The following NTSR1 variants were observed in gnomAD, a reference collection of about 807,000 sequenced individuals.
The protein encoded by NTSR1 is neurotensin receptor type 1.
Under a neutral mutation model 31.2 loss-of-function variants are expected in NTSR1, and 29 were observed. The ratio of observed to expected loss-of-function variants is 0.93; its 90% CI spans 0.69 to 1.27. The LOEUF (loss-of-function observed/expected upper bound fraction) is 1.27, where lower values mean the gene tolerates loss of function less well. Ranked by LOEUF, NTSR1 falls within the 50% of genes most tolerant of loss-of-function variation. The pLI, the probability that NTSR1 is intolerant of heterozygous loss-of-function variation, is 0.00. For synonymous variants in NTSR1, 282 were observed against 269.9 expected (o/e 1.04, Z -0.44); for missense variants, 697 against 595.4 (o/e 1.17, Z -1.78).
At chr20:62,716,687 T>A (rs1362227547) in intron 1 of NTSR1, among the ~76,000 whole-genome samples, 2 of 140,802 alleles carry the variant, frequency 1.4e-5, no homozygotes, top group African/African-American at 5.6e-5. Flanking sequence ...AGGTCCTCCC[T>A]CCTGTGGGCC....
intron 1 of NTSR1, among the ~76,000 whole-genome samples, chr20:62,753,740 C>G (rs1989432281): frequency 6.6e-6 from 1 of 152,226 alleles, no homozygotes; most frequent in Admixed American, 6.5e-5. Context: ...TATTCCACTG[C>G]CCCAGGGAGG....
At chr20:62,710,413 GCTTT>G (rs909958962) in intron 1 of NTSR1, among the ~76,000 whole-genome samples, 5 of 152,208 alleles carry the variant, frequency 3.3e-5, no homozygotes, top group African/African-American at 1.2e-4. Flanking sequence ...TTTAGCCTCA[GCTTT>G]CCCATCTGTG....
At chr20:62,713,704 T>C (rs1988660742) in intron 1 of NTSR1, among the ~76,000 whole-genome samples, 1 of 152,256 alleles carries the variant, frequency 6.6e-6, no homozygotes, top group African/African-American at 2.4e-5. Context: ...AGGAGACTGC[T>C]TGCGGGTCAT....
chr20:62,726,405 C>T (rs1988907499), intron 1 of NTSR1, among the ~76,000 whole-genome samples: 1 of 152,204 alleles, frequency 6.6e-6, no homozygotes, highest in African/African-American at 2.4e-5. Context: ...CTCTCCGAGA[C>T]CAGGCCCAGG....
At position 62,709,692 on chromosome 20, in the gene NTSR1, T is replaced by C; in HGVS notation, c.485T>C (p.Leu162Pro). 6.2e-7 allele frequency: 1 copy of C among 1,612,756 alleles called. No individual in the cohort carries two copies. Among genetic ancestry groups the C allele is most frequent in the East Asian group, 2.2e-5 (1 of 44,860 alleles). ...TYATALNVAS[L>P]SVERYLAICH... ...GCCACGGCCCTCAACGTGGCCAGCC[T>C]GAGTGTGGAGCGCTACCTGGCCATC... The change falls in exon 1 of 4, where the codon CTG becomes CCG. Residue 162 changes from leucine to proline, a missense_variant. Physicochemically the swap from Leu to Pro is moderately conservative, Grantham distance 98. Transcript: ENST00000370501.
rs1383324136 is a variant in NTSR1, at chr20:62,761,037, AG to A, written c.*775del. 1 of 152,304 alleles carries A rather than the reference AG, an allele frequency of 6.6e-6. No homozygotes were observed. Among genetic ancestry groups the A allele is most frequent in the Non-Finnish European group, 1.5e-5 (1 of 68,126 alleles). 9.4% of individuals were successfully genotyped at this position (152,304 alleles called of 1,614,324 possible). A position where few individuals can be genotyped will look rare whatever the true frequency, so the allele number is the denominator to read the frequency against. On this transcript the variant is annotated 3_prime_UTR_variant, in exon 4 of 4. Transcript: ENST00000370501. ...GGGCTCTGCCAGGACACCACATGGG[AG>A]GGGGCTCAGGCCTCAGCCTCAAGAT...
rs537283534 is a variant in NTSR1 at position 62,753,693 on chromosome 20, G to A, written c.715-992G>A. Among the ~76,000 whole-genome samples the A allele has an allele frequency of 1.6e-4, 24 of 152,330 alleles. No homozygotes were observed. In the Middle Eastern group the frequency reaches 0.014, roughly 86 times the overall value. On this transcript the variant is annotated intron_variant, in intron 1 of 3. Coordinates refer to ENST00000370501, the MANE Select transcript of NTSR1 (RefSeq NM_002531.3). ...AGAGAAGAGCATCTTACAAAGAACCGAAGGCCAAGGAAGATTTTAAAGCCA... is the reference window on the plus strand; with the variant it reads ...AGAGAAGAGCATCTTACAAAGAACCAAAGGCCAAGGAAGATTTTAAAGCCA...
chr20:62,717,600 G>A (rs969955114), intron 1 of NTSR1, among the ~76,000 whole-genome samples: 5 of 152,188 alleles, frequency 3.3e-5, no homozygotes, highest in African/African-American at 4.8e-5. Context: ...GGTGGAAGAA[G>A]GACTCAATCG....
chr20:62,729,789 T>C (rs1988973163), intron 1 of NTSR1, among the ~76,000 whole-genome samples: 1 of 151,942 alleles, frequency 6.6e-6, no homozygotes, highest in African/African-American at 2.4e-5. Flanking sequence ...CCTCAGCTAA[T>C]GTTTTATATT....
intron 1 of NTSR1, among the ~76,000 whole-genome samples, chr20:62,716,110 G>A (rs955427306): frequency 1.3e-5 from 2 of 152,184 alleles, no homozygotes; most frequent in African/African-American, 2.4e-5. Flanking sequence ...CGTGAAGCAC[G>A]TTCACATTGC....
At chr20:62,728,223 C>T (rs1988942690) in intron 1 of NTSR1, among the ~76,000 whole-genome samples, 1 of 152,194 alleles carries the variant, frequency 6.6e-6, no homozygotes, top group Admixed American at 6.5e-5. Flanking sequence ...CTCCCAGCAT[C>T]CGAGCCTTGA....
intron 3 of NTSR1, among the ~76,000 whole-genome samples, chr20:62,759,667 C>G (rs914105493): frequency 6.6e-6 from 1 of 150,652 alleles, no homozygotes; most frequent in African/African-American, 2.4e-5. Context: ...CCCAGCTACT[C>G]GGGAGGCTGA....
rs1294425997 is a variant in NTSR1, at chr20:62,758,405, CA to C, written c.1007+53del. The C allele has an allele frequency of 3.9e-6, 6 of 1,526,252 alleles. No homozygotes were observed. The highest frequency in any genetic ancestry group is 1.1e-5 in the South Asian group (1 of 88,930). 94.5% of individuals were successfully genotyped at this position (1,526,252 alleles called of 1,614,324 possible). On this transcript the variant is annotated intron_variant, in intron 3 of 3. Transcript: ENST00000370501. This position sits in a 1 kb window ranked among gnomAD's most constrained non-coding sequence, Gnocchi z 4.5. ...TGGGTGCTGGACAAGTAAGTGCTCC[CA>C]AAACAGATGGTGGGTGTGGCAGGCA...
At chr20:62,712,972 G>C (rs1421419690) in intron 1 of NTSR1, among the ~76,000 whole-genome samples, 1 of 152,214 alleles carries the variant, frequency 6.6e-6, no homozygotes, top group Non-Finnish European at 1.5e-5. Flanking sequence ...ACATGTGTGT[G>C]TCCAGGGGCC....
intron 1 of NTSR1, among the ~76,000 whole-genome samples, chr20:62,750,487 G>A (rs1054799982): frequency 5.9e-5 from 9 of 152,106 alleles, no homozygotes; most frequent in African/African-American, 1.7e-4. Context: ...TCAGGAGATC[G>A]AGACCATCCT....
In NTSR1 at chr20:62,711,658, G is replaced by C. The variant is rs756812773; in HGVS notation, c.714+1737G>C. 4.4e-4 allele frequency among the ~76,000 whole-genome samples: 66 copies of C among 149,016 alleles called. No homozygotes were observed. Among genetic ancestry groups the C allele is most frequent in the Non-Finnish European group, 7.8e-4 (53 of 67,706 alleles). On this transcript the variant is annotated intron_variant, in intron 1 of 3. Transcript: ENST00000370501. This position sits in a 1 kb window ranked among gnomAD's most constrained non-coding sequence, Gnocchi z 6.4. ...AAGGCCAGGAGCTCACCAGCCTCCTGCAGTCCTCAAAAACAAACAGCCGAA... is the reference window on the plus strand; with the variant it reads ...AAGGCCAGGAGCTCACCAGCCTCCTCCAGTCCTCAAAAACAAACAGCCGAA...
chr20:62,748,730 G>T (rs1196440456), intron 1 of NTSR1, among the ~76,000 whole-genome samples: 1 of 152,238 alleles, frequency 6.6e-6, no homozygotes, highest in African/African-American at 2.4e-5. Context: ...GCCTTTCAGA[G>T]GTGATGGGAT....
At chr20:62,712,749 G>A (rs960589446) in intron 1 of NTSR1, among the ~76,000 whole-genome samples, 4 of 152,220 alleles carry the variant, frequency 2.6e-5, no homozygotes, top group African/African-American at 7.2e-5. Context: ...ACCCGCACAC[G>A]TGGCCCCACA....
intron 1 of NTSR1, among the ~76,000 whole-genome samples, chr20:62,746,370 G>T (rs1046564109): frequency 6.6e-6 from 1 of 152,198 alleles, no homozygotes; most frequent in Admixed American, 6.5e-5. Flanking sequence ...CGCCAGCATC[G>T]CTGTGTCTGT....
Sources: gnomAD v4.1 joint callset for allele counts (sites outside exome capture counted in the v4.1 genomes callset) on GRCh38, gnomAD v4.1.1 for gene constraint, Gnocchi (gnomAD v3.1) non-coding constraint, MANE v1.5 for transcripts, NCBI Gene and HGNC (gene_info 2026-07-23, HGNC 2026-07-21) for gene names.